SCUBE1: variants seen among roughly 807,000 people sequenced by gnomAD.
SCUBE1 encodes the protein signal peptide, CUB and EGF-like domain-containing protein 1.
SCUBE1 carries 59 observed loss-of-function variants against 124.4 expected under a neutral mutation model. That is an observed-to-expected ratio of 0.47 (90% CI 0.38 to 0.59). The LOEUF (loss-of-function observed/expected upper bound fraction) is 0.59, where lower values mean the gene tolerates loss of function less well. Ranked by LOEUF, SCUBE1 falls within the 20% of genes least tolerant of loss-of-function variation. SCUBE1 has a pLI of 0.00. For synonymous variants in SCUBE1, 545 were observed against 550.9 expected (o/e 0.99, Z 0.15); for missense variants, 1,150 against 1,371.2 (o/e 0.84, Z 2.55).
intron 2 of SCUBE1, 118 bp from the exon 3 acceptor site, chr22:43,320,183 C>T: frequency 7.9e-7 from 1 of 1,272,972 alleles, no homozygotes; most frequent in Non-Finnish European, 1.1e-6. Context: ...GTATTCACTT[C>T]AGTCCTCCCT....
intron 2 of SCUBE1, among the ~76,000 whole-genome samples, chr22:43,333,040 A>G (rs143578578): frequency 6.6e-6 from 1 of 152,294 alleles, no homozygotes; most frequent in African/African-American, 2.4e-5. Flanking sequence ...TGAGGAGCTC[A>G]CATTCCAGGA....
chr22:43,319,741 A>G (rs893411732), intron 3 of SCUBE1, among the ~76,000 whole-genome samples, 196 bp downstream of exon 3: 3 of 152,088 alleles, frequency 2.0e-5, no homozygotes, highest in African/African-American at 7.2e-5. Context: ...TTGGACTGCC[A>G]GACTCCAGAA....
chr22:43,278,457 C>A (rs1924624042), intron 4 of SCUBE1, among the ~76,000 whole-genome samples: 1 of 152,184 alleles, frequency 6.6e-6, no homozygotes, highest in Non-Finnish European at 1.5e-5. Context: ...TAATGGAAAG[C>A]CCTGGAACAG....
chr22:43,298,188 G>A lies in SCUBE1; in HGVS notation c.350-7008C>T, dbSNP rs1183381839. ...ATTAGATTTTGGGTAAAATACACAC[G>A]GGTCTTAGAGCTTTGGGGCCTGGGT... is the stretch of plus-strand genomic sequence containing the variant. On this transcript the variant is annotated intron_variant, in intron 3 of 21. Coordinates refer to ENST00000360835, the MANE Select transcript of SCUBE1 (RefSeq NM_173050.5). Among the ~76,000 whole-genome samples the A allele has an allele frequency of 2.6e-5, 4 of 152,220 alleles. No individual in the cohort carries two copies. In the South Asian group the frequency reaches 6.2e-4, roughly 24 times the overall value.
chr22:43,214,261 C>T lies in SCUBE1; in HGVS notation c.1892-10G>A. ...CCAGGCCCACAGGCAACTGCAGAGG[C>T]AAAGCGGAGAGGCTGCTGGAGGCAG... On this transcript the variant is annotated splice_polypyrimidine_tract_variant and intron_variant, in intron 15 of 21. Transcript: ENST00000360835. 1 of 1,608,966 alleles carries T rather than the reference C, an allele frequency of 6.2e-7. No individual in the cohort carries two copies. Among genetic ancestry groups the T allele is most frequent in the Non-Finnish European group, 8.5e-7 (1 of 1,177,612 alleles).
chr22:43,223,138 C>G lies in SCUBE1; in HGVS notation c.1286G>C (p.Ser429Thr), dbSNP rs1406748857. ...GTGAGCCGGGCAGGAAAGGAAGCAG[C>G]TCTCCACACCGCCTGCCTTGCTGCA... ...LSCSKAGGVESCFLSCPAHTL... is the reference protein window; with the variant it reads ...LSCSKAGGVETCFLSCPAHTL... Residue 429 changes from serine (S) to threonine (T), a missense_variant, in exon 11 of 22, where the codon AGC (serine) becomes ACC (threonine). Ser to Thr is a moderately conservative substitution (Grantham distance 58). Around this residue, in one of 3 missense-constraint regions of SCUBE1, gnomAD observed 757 missense variants for 840.9 expected, o/e 0.90. Transcript: ENST00000360835. 1 of 1,556,132 alleles carries G rather than the reference C, an allele frequency of 6.4e-7. No individual in the cohort carries two copies. The highest frequency in any genetic ancestry group is 8.6e-7 in the Non-Finnish European group (1 of 1,160,400).
chr22:43,335,515 G>A (rs780713457), intron 2 of SCUBE1, among the ~76,000 whole-genome samples: 4 of 152,068 alleles, frequency 2.6e-5, no homozygotes, highest in East Asian at 1.9e-4. Flanking sequence ...CTGTTAACAT[G>A]GCAACTCAAC....
At chr22:43,280,845 ACC>A (rs1924793249) in intron 4 of SCUBE1, among the ~76,000 whole-genome samples, 1 of 45,628 alleles carries the variant, frequency 2.2e-5, no homozygotes, top group African/African-American at 9.8e-5. Context: ...CTCTTTGGCC[ACC>A]CTCCTGTCAC....
chr22:43,220,385 C>T lies in SCUBE1; in HGVS notation c.1687+65G>A, dbSNP rs1299727724. ...AGCTTCATGCCTGGCAGGCCCCCGG[C>T]AGCGCCACCAGCCTGTCGTCCTCCT... is the stretch of plus-strand genomic sequence containing the variant. On this transcript the variant is annotated intron_variant, in intron 14 of 21. Coordinates refer to ENST00000360835, the MANE Select transcript of SCUBE1 (RefSeq NM_173050.5). The T allele has an allele frequency of 6.8e-5, 106 of 1,561,842 alleles. 1 individual carries two copies. The highest frequency in any genetic ancestry group is 1.8e-5 in the Admixed American group (1 of 57,140).
intron 3 of SCUBE1, among the ~76,000 whole-genome samples, chr22:43,313,795 C>T (rs1169215757): frequency 1.3e-5 from 2 of 152,296 alleles, no homozygotes; most frequent in Admixed American, 6.5e-5. Context: ...AAAATAACCT[C>T]GCTTACTCGA....
At chr22:43,308,184 T>C (rs1376093305) in intron 3 of SCUBE1, among the ~76,000 whole-genome samples, 3 of 152,234 alleles carry the variant, frequency 2.0e-5, no homozygotes, top group Admixed American at 6.5e-5. Context: ...AGGGAGTCTC[T>C]TTCTCTCAGG....
chr22:43,222,785 C>A, intron 11 of SCUBE1, 43 bp from the exon 12 acceptor site: 2 of 1,439,222 alleles, frequency 1.4e-6, no homozygotes, highest in South Asian at 1.2e-5. Flanking sequence ...GTGCTCCTCC[C>A]TCCCACGGCC....
chr22:43,239,053 C>T (rs576145373), intron 6 of SCUBE1, 99 bp from the exon 7 acceptor site: 2 of 939,068 alleles, frequency 2.1e-6, no homozygotes, highest in Admixed American at 1.9e-5. Flanking sequence ...GAGACGAGAC[C>T]CGGGTTCAAG....
At chr22:43,319,538 G>A in intron 3 of SCUBE1, among the ~76,000 whole-genome samples, 1 of 116,248 alleles carries the variant, frequency 8.6e-6, no homozygotes, top group Non-Finnish European at 1.6e-5. Flanking sequence ...ATGCTTGGGT[G>A]ACAGAGCAAG....
At chr22:43,341,333 G>A (rs1219710956) in intron 1 of SCUBE1, among the ~76,000 whole-genome samples, 1 of 152,228 alleles carries the variant, frequency 6.6e-6, no homozygotes, top group Non-Finnish European at 1.5e-5. Context: ...TGCAGGACTG[G>A]CACTGCCTCT....
At chr22:43,213,902 C>T (rs1921682687) in intron 16 of SCUBE1, among the ~76,000 whole-genome samples, 188 bp downstream of exon 16, 2 of 152,178 alleles carry the variant, frequency 1.3e-5, no homozygotes, top group Non-Finnish European at 2.9e-5. Flanking sequence ...TGGGATCTGT[C>T]ACGCACTTTG....
At chr22:43,311,424 T>C (rs1180068753) in intron 3 of SCUBE1, among the ~76,000 whole-genome samples, 2 of 38,558 alleles carry the variant, frequency 5.2e-5, no homozygotes, top group African/African-American at 1.1e-4. Context: ...AATGTAGCAC[T>C]TTTTTTTTTT....
intron 6 of SCUBE1, among the ~76,000 whole-genome samples, chr22:43,246,419 C>T (rs11704676): frequency 0.08 from 12,175 of 152,226 alleles, 595 homozygotes; most frequent in Non-Finnish European, 0.11. Flanking sequence ...GTGCACCAGG[C>T]GGACCCTCCA....
intron 4 of SCUBE1, among the ~76,000 whole-genome samples, chr22:43,271,508 T>C (rs1924290808): frequency 6.6e-6 from 1 of 152,144 alleles, no homozygotes; most frequent in South Asian, 2.1e-4. Context: ...GGCCCAGACC[T>C]GGCTGCCGTT....
Sources: gnomAD v4.1 joint callset for allele counts (sites outside exome capture counted in the v4.1 genomes callset) on GRCh38, gnomAD v4.1.1 for gene constraint, gnomAD v4.1.1 regional missense constraint, MANE v1.5 for transcripts, NCBI Gene and HGNC (gene_info 2026-07-23, HGNC 2026-07-21) for gene names.